Variants in AGBL1 observed in about 807,000 individuals in gnomAD.
The protein encoded by AGBL1 is AGBL carboxypeptidase 1.
AGBL1 carries 130 observed loss-of-function variants against 118.9 expected under a neutral mutation model. That is an observed-to-expected ratio of 1.09 (90% CI 0.95 to 1.26). The LOEUF (loss-of-function observed/expected upper bound fraction) is 1.26. Among genes scored for constraint, AGBL1 ranks in the 50% most tolerant of loss-of-function variants. The probability of loss-of-function intolerance (pLI) is 0.00; values close to 1 mark genes in which losing one functional copy is unlikely to be tolerated. For synonymous variants in AGBL1, 555 were observed against 478.9 expected (o/e 1.16, Z -2.08); for missense variants, 1,584 against 1,298.1 (o/e 1.22, Z -3.38).
In AGBL1 at chr15:86,220,771, GGGACATCCATTT is replaced by G. The variant is rs2078268208; in HGVS notation, c.489-4139_489-4128del. On this transcript the variant is annotated intron_variant, in intron 5 of 22. Coordinates refer to ENST00000614907, the MANE Select transcript of AGBL1 (RefSeq NM_001386094.1). ...TGATTCTTTCATTGATGTAAACATG[GGGACATCCATTT>G]GGAGGACATTCTGGCACTTCTACTT... 2.0e-5 allele frequency among the ~76,000 whole-genome samples: 3 copies of G among 152,110 alleles called. No individual in the cohort carries two copies. The South Asian group carries it at 6.2e-4, about 31-fold the overall frequency.
intron 15 of AGBL1, among the ~76,000 whole-genome samples, chr15:86,278,116 T>C (rs1040948085): frequency 5.3e-5 from 8 of 152,224 alleles, no homozygotes; most frequent in Non-Finnish European, 1.2e-4. Flanking sequence ...ACCAGAGTCA[T>C]AGCTTTTGGA....
At chr15:87,008,299 C>T (rs886904777) in intron 24 of AGBL1, among the ~76,000 whole-genome samples, 4 of 152,150 alleles carry the variant, frequency 2.6e-5, no homozygotes, top group African/African-American at 9.7e-5. Flanking sequence ...CCACGCTGTT[C>T]TCATGACAGT....
chr15:86,818,048 G>A (rs913463730), intron 22 of AGBL1, among the ~76,000 whole-genome samples: 1 of 152,006 alleles, frequency 6.6e-6, no homozygotes, highest in Non-Finnish European at 1.5e-5. Context: ...GAAGGAGCAT[G>A]GCCCTGCTAC....
At chr15:86,442,396 C>G (rs1249775320) in intron 18 of AGBL1, among the ~76,000 whole-genome samples, 1 of 152,130 alleles carries the variant, frequency 6.6e-6, no homozygotes, top group East Asian at 1.9e-4. Context: ...TCTTTTCTGG[C>G]CTAGATGCCT....
intron 24 of AGBL1, among the ~76,000 whole-genome samples, chr15:86,993,913 G>T (rs1395241072): frequency 6.6e-6 from 1 of 152,098 alleles, no homozygotes; most frequent in Non-Finnish European, 1.5e-5. Context: ...AAGGGTAGGG[G>T]TAAGAGGAAT....
In AGBL1 at chr15:86,312,981, C is replaced by T. The variant is rs985290878; in HGVS notation, c.2374+17573C>T. Among the ~76,000 whole-genome samples, 4 of 152,196 alleles carry T rather than the reference C, an allele frequency of 2.6e-5. No homozygotes were observed. The East Asian group carries it at 5.8e-4, about 22-fold the overall frequency. On this transcript the variant is annotated intron_variant, in intron 17 of 22. Transcript: ENST00000614907. ...TGTCAAAAGAAAAGGATTTATGCGTCGTTGTAAATAATGAGTGATTCTAAA... is the reference window on the plus strand; with the variant it reads ...TGTCAAAAGAAAAGGATTTATGCGTTGTTGTAAATAATGAGTGATTCTAAA...
chr15:86,158,799 C>T (rs1463742199), intron 4 of AGBL1, 134 bp from the exon 5 acceptor site: 4 of 695,418 alleles, frequency 5.8e-6, no homozygotes, highest in Admixed American at 2.4e-5. Context: ...GAATGTGCAA[C>T]CAGGGTGGAA....
chr15:86,635,332 CTCCTCCTACTCCTCT>C lies in AGBL1; in HGVS notation c.2995-38939_2995-38925del, dbSNP rs1312072527. Reference sequence around the variant, plus strand: ...CCTCCTCCTCCTCCTCCTCCTCCTCCTCCTCCTACTCCTCTTACTCCTCCTCCTCCTTCTCTTGCC... The same window carrying C: ...CCTCCTCCTCCTCCTCCTCCTCCTCCTACTCCTCCTCCTCCTTCTCTTGCC... On this transcript the variant is annotated intron_variant, in intron 21 of 22. Coordinates refer to ENST00000614907, the MANE Select transcript of AGBL1 (RefSeq NM_001386094.1). Among the ~76,000 whole-genome samples the C allele has an allele frequency of 2.0e-5, 2 of 101,598 alleles. 1 individual carries two copies. Among genetic ancestry groups the C allele is most frequent in the African/African-American group, 7.6e-5 (2 of 26,322 alleles). 66.7% of individuals were successfully genotyped at this position (101,598 alleles called of 152,430 possible). A position where few individuals can be genotyped will look rare whatever the true frequency, so the allele number is the denominator to read the frequency against.
chr15:86,231,510 G>A (rs1222325415), intron 6 of AGBL1, among the ~76,000 whole-genome samples: 1 of 152,220 alleles, frequency 6.6e-6, no homozygotes, highest in African/African-American at 2.4e-5. Flanking sequence ...ACACTGGGAT[G>A]GACGGCTGTG....
chr15:86,751,625 A>G (rs2077853420), intron 22 of AGBL1, among the ~76,000 whole-genome samples: 1 of 152,274 alleles, frequency 6.6e-6, no homozygotes, highest in East Asian at 1.9e-4. Context: ...CCTCCAAGTC[A>G]CATTGATCAG....
intron 22 of AGBL1, among the ~76,000 whole-genome samples, chr15:86,891,714 A>C (rs922098989): frequency 1.3e-5 from 2 of 152,176 alleles, no homozygotes; most frequent in Non-Finnish European, 2.9e-5. Flanking sequence ...CTCAAGTGAC[A>C]TGGGTCATTA....
intron 5 of AGBL1, among the ~76,000 whole-genome samples, chr15:86,204,680 C>T (rs2077962493): frequency 1.3e-5 from 2 of 152,286 alleles, no homozygotes; most frequent in South Asian, 2.1e-4. Context: ...ACCTCTGCTT[C>T]CTGGGTTCAA....
chr15:86,858,195 T>C (rs2079510736), intron 22 of AGBL1, among the ~76,000 whole-genome samples: 1 of 152,102 alleles, frequency 6.6e-6, no homozygotes, highest in Non-Finnish European at 1.5e-5. Context: ...TAAGAGGGTA[T>C]CACAGAAAAG....
intron 23 of AGBL1, among the ~76,000 whole-genome samples, chr15:86,981,953 T>G (rs1028326385): frequency 6.6e-6 from 1 of 152,200 alleles, no homozygotes; most frequent in African/African-American, 2.4e-5. Flanking sequence ...TTTATTTGTT[T>G]TGCTTCCTAT....
chr15:86,254,436 G>C (rs2078863491), intron 7 of AGBL1, among the ~76,000 whole-genome samples: 1 of 152,266 alleles, frequency 6.6e-6, no homozygotes, highest in African/African-American at 2.4e-5. Flanking sequence ...TCCAGGACCT[G>C]AGCAGTTTGC....
intron 22 of AGBL1, among the ~76,000 whole-genome samples, chr15:86,721,530 C>T (rs1426863908): frequency 6.6e-6 from 1 of 152,158 alleles, no homozygotes; most frequent in Non-Finnish European, 1.5e-5. Context: ...ATATCTATGA[C>T]AAACCCACAG....
At chr15:86,454,769 T>C (rs34148393) in intron 18 of AGBL1, among the ~76,000 whole-genome samples, 7,717 of 152,246 alleles carry the variant, frequency 0.051, 277 homozygotes, top group South Asian at 0.14. Flanking sequence ...AGGAAACTTT[T>C]TGAGGTGATA....
chr15:86,894,424 A>G lies in AGBL1; in HGVS notation c.3159-12663A>G, dbSNP rs942963443. Among the ~76,000 whole-genome samples the G allele has an allele frequency of 4.5e-4, 69 of 152,244 alleles. 1 individual carries two copies. The highest frequency in any genetic ancestry group is 1.6e-3 in the African/African-American group (66 of 41,556). The stretch of plus-strand genomic sequence containing the variant: ...AGGGAGCTGAATCTGAGCTGCAGAG[A>G]GAGCAACTCTGCATGACGTTGGAGC... On this transcript the variant is annotated intron_variant, in intron 22 of 22. Coordinates refer to ENST00000614907, the MANE Select transcript of AGBL1 (RefSeq NM_001386094.1).
chr15:86,429,937 A>G (rs2081914474), intron 18 of AGBL1, among the ~76,000 whole-genome samples: 2 of 152,202 alleles, frequency 1.3e-5, no homozygotes, highest in South Asian at 4.1e-4. Flanking sequence ...GCCTGCAGTG[A>G]TGAAGCTTGG....
Sources: allele counts gnomAD v4.1 joint callset (sites outside exome capture counted in the v4.1 genomes callset), GRCh38; gene constraint gnomAD v4.1.1; transcripts MANE v1.5; gene names NCBI Gene and HGNC (gene_info 2026-07-23, HGNC 2026-07-21).